Variants in KRT78 observed in about 807,000 individuals in gnomAD.
The protein encoded by KRT78 is keratin, type II cytoskeletal 78.
A neutral mutation model predicts 51.4 loss-of-function variants in KRT78; 55 were observed. The observed-to-expected ratio is 1.07, with a 90% CI of 0.86 to 1.34. The LOEUF is 1.34. Ranked by LOEUF, KRT78 falls within the 40% of genes most tolerant of loss-of-function variation. The probability of loss-of-function intolerance (pLI) is 0.00; values close to 1 mark genes in which losing one functional copy is unlikely to be tolerated. For synonymous variants in KRT78, 291 were observed against 264.3 expected (o/e 1.10, Z -0.98); for missense variants, 652 against 649.4 (o/e 1.00, Z -0.04).
Position 52,840,002 on chromosome 12 carries a change from A to G in KRT78, c.1048-18T>C. On this transcript the variant is annotated intron_variant, in intron 6 of 8. Coordinates refer to ENST00000304620, the MANE Select transcript of KRT78 (RefSeq NM_173352.4). ...CTGGCGTTCTGGAAGCGGGGTAGAA[A>G]TGAGCGAGAAGGTGGTTGTAAGTCC... 2 of 1,594,350 alleles carry G rather than the reference A, an allele frequency of 1.3e-6. No homozygotes were observed. The highest frequency in any genetic ancestry group is 2.2e-5 in the South Asian group (2 of 90,398).
At position 52,838,093 on chromosome 12, in the gene KRT78, G is replaced by A. The variant is rs750363472; in HGVS notation, c.*1020C>T. ...GAGCGATTCATGAATCTGAGGAAAG[G>A]TCTGCCCTCCCTCTAAAGCAAGGAG... On this transcript the variant is annotated 3_prime_UTR_variant, in exon 9 of 9. Transcript: ENST00000304620. The A allele has an allele frequency of 1.3e-5, 2 of 152,154 alleles. No homozygotes were observed. Among genetic ancestry groups the A allele is most frequent in the Non-Finnish European group, 2.9e-5 (2 of 68,034 alleles). 9.4% of individuals were successfully genotyped at this position (152,154 alleles called of 1,614,324 possible).
chr12:52,839,665 G>A (rs1268965381), intron 7 of KRT78, 99 bp downstream of exon 7: 6 of 1,361,156 alleles, frequency 4.4e-6, no homozygotes, highest in Admixed American at 1.8e-5. Flanking sequence ...ACAATGTCAG[G>A]AAATCTCTCA....
Position 52,844,588 on chromosome 12 carries a change from C to A in KRT78, c.892G>T (p.Ala298Ser). The A allele has an allele frequency of 1.2e-6, 2 of 1,614,006 alleles. No individual in the cohort carries two copies. The highest frequency in any genetic ancestry group is 1.7e-6 in the Non-Finnish European group (2 of 1,179,922). The change falls in exon 5 of 9, where the codon GCT (alanine) becomes TCT (serine). Residue 298 changes from alanine to serine, a missense_variant. Transcript: ENST00000304620. The stretch of plus-strand genomic sequence containing the variant: ...GTCTGGTACAAGGCCTCAGCCTCAG[C>A]CTTGCTGCTCCGGGCGATCTCCTCG... ...RYEEIARSSKAEAEALYQTKY... is the reference protein window; with the variant it reads ...RYEEIARSSKSEAEALYQTKY...
At chr12:52,843,688 C>CAAAAAAAAAAAAAAAAAAAAAAAA (rs1158055717) in intron 6 of KRT78, among the ~76,000 whole-genome samples, 2 of 63,200 alleles carry the variant, frequency 3.2e-5, no homozygotes, top group African/African-American at 8.5e-5. Flanking sequence ...GACTCTGTCT[C>CAAAAAAAAAAAAAAAAAAAAAAAA]AAAAAAAAAA....
chr12:52,846,222 TAGAGGTACTCTCTC>T lies in KRT78; in HGVS notation c.717_730del (p.Arg240LeufsTer7), dbSNP rs1940638337. 6.2e-7 allele frequency: 1 copy of T among 1,613,564 alleles called. No individual in the cohort carries two copies. The highest frequency in any genetic ancestry group is 8.5e-7 in the Non-Finnish European group (1 of 1,179,694). On this transcript the variant is annotated frameshift_variant, in exon 4 of 9. Coordinates refer to ENST00000304620, the MANE Select transcript of KRT78 (RefSeq NM_173352.4). LOFTEE classifies it high-confidence loss of function. ...TTCTTCATTCAGATGCTTCAAGAAG[TAGAGGTACTCTCTC>T]AGAGCCTCCAGCTTGCCCTCCAACT...
chr12:52,845,335 C>T lies in KRT78; in HGVS notation c.757-612G>A, dbSNP rs116370414. Among the ~76,000 whole-genome samples the T allele has an allele frequency of 9.6e-3, 1,458 of 152,184 alleles. 24 individuals carry two copies. Among genetic ancestry groups the T allele is most frequent in the African/African-American group, 0.034 (1,393 of 41,520 alleles). ...TCAGACCTCTTATCATACTCCTCTC[C>T]CTCTCGCTCCTACTACTCTGGCCAC... On this transcript the variant is annotated intron_variant, in intron 4 of 8. Transcript: ENST00000304620.
In KRT78 at chr12:52,848,947, C is replaced by A. The variant is rs1349561771; in HGVS notation, c.-17G>T. ...GAGAGACATGGCAGAGACAGACAGT[C>A]ACGCAGCTGCAGACGGACAGACAGA... On this transcript the variant is annotated 5_prime_UTR_variant, in exon 1 of 9. Transcript: ENST00000304620. The A allele has an allele frequency of 4.6e-6, 7 of 1,526,000 alleles. No homozygotes were observed. The highest frequency in any genetic ancestry group is 6.1e-6 in the Non-Finnish European group (7 of 1,142,828). 94.5% of individuals were successfully genotyped at this position (1,526,000 alleles called of 1,614,324 possible). A position where few individuals can be genotyped will look rare whatever the true frequency, so the allele number is the denominator to read the frequency against.
intron 6 of KRT78, among the ~76,000 whole-genome samples, chr12:52,841,968 C>T (rs1252940618): frequency 6.6e-6 from 1 of 152,164 alleles, no homozygotes; most frequent in Non-Finnish European, 1.5e-5. Flanking sequence ...GTTTCTGGGC[C>T]CCATCCTTAG....
intron 4 of KRT78, among the ~76,000 whole-genome samples, chr12:52,845,097 C>A (rs1262519437): frequency 1.3e-5 from 2 of 150,572 alleles, no homozygotes; most frequent in Non-Finnish European, 1.5e-5. Flanking sequence ...CTCACTGTAA[C>A]CTCTGCCTTC....
In KRT78 at chr12:52,839,239, A is replaced by G. The variant is rs2120379468; in HGVS notation, c.1437T>C (p.Ile479=). The G allele has an allele frequency of 1.9e-6, 3 of 1,612,026 alleles. No individual in the cohort carries two copies. Among genetic ancestry groups the G allele is most frequent in the Non-Finnish European group, 1.7e-6 (2 of 1,179,208 alleles). ...AAACAGGGTCCTTCCCAGAGCCCAG[A>G]ATGATGTTGGAGCCTCCAGTCACAA... The part of the protein sequence containing the change: ...TSIVTGGSNI[I]LGSGKDPVLD... Residue 479 remains isoleucine (I), a synonymous_variant, in exon 9 of 9, where the codon ATT becomes ATC. Transcript: ENST00000304620.
At chr12:52,843,247 A>C (rs1592144971) in intron 6 of KRT78, among the ~76,000 whole-genome samples, 2 of 151,424 alleles carry the variant, frequency 1.3e-5, no homozygotes, top group Non-Finnish European at 2.9e-5. Flanking sequence ...AGTGCCTGTA[A>C]TTCCAGCTAC....
rs1181927389 is a variant in KRT78, at chr12:52,847,323, G to A, written c.600-499C>T. On this transcript the variant is annotated intron_variant, in intron 2 of 8. Coordinates refer to ENST00000304620, the MANE Select transcript of KRT78 (RefSeq NM_173352.4). ...TTTACAGAAGGGAAACCAAGTCCGG[G>A]AGAGATGAGATGCCTTGCCCAGGAT... is the stretch of plus-strand genomic sequence containing the variant. 2.0e-5 allele frequency among the ~76,000 whole-genome samples: 3 copies of A among 152,130 alleles called. No individual in the cohort carries two copies. The East Asian group carries it at 5.8e-4, about 29-fold the overall frequency.
At chr12:52,839,424 T>A in intron 8 of KRT78, 29 bp downstream of exon 8, 2 of 1,610,270 alleles carry the variant, frequency 1.2e-6, no homozygotes, top group Non-Finnish European at 1.7e-6. Flanking sequence ...CCCATGGGGA[T>A]CCCATCCCTA....
Position 52,838,001 on chromosome 12 carries a change from G to A in KRT78, c.*1112C>T, listed in dbSNP as rs1940384689. ...AGGAAACAGCAGAGCTGGGATTCAA[G>A]CCACATCCTCACCGGCTCTGGTCTC... On this transcript the variant is annotated 3_prime_UTR_variant, in exon 9 of 9. Coordinates refer to ENST00000304620, the MANE Select transcript of KRT78 (RefSeq NM_173352.4). The A allele has an allele frequency of 6.6e-6, 1 of 152,200 alleles. No homozygotes were observed. The highest frequency in any genetic ancestry group is 2.4e-5 in the African/African-American group (1 of 41,436). 9.4% of individuals were successfully genotyped at this position (152,200 alleles called of 1,614,324 possible).
intron 6 of KRT78, among the ~76,000 whole-genome samples, chr12:52,842,937 A>AGAGAG (rs1565698617): frequency 1.9e-5 from 2 of 103,708 alleles, no homozygotes; most frequent in Admixed American, 9.5e-5. Context: ...GAAAGAAAGA[A>AGAGAG]AGAGAGAGAG....
rs1483203138 is a variant in KRT78, at chr12:52,839,479, C to A, written c.1277G>T (p.Gly426Val). The stretch of plus-strand genomic sequence containing the variant: ...GATAGTGACCTGGCTGGTGCACTCC[C>A]CAGACATCCTAGGGGGAAAAGGACA... The part of the protein sequence containing the change: ...LLEGEECRMS[G>V]ECTSQVTISS... The change falls in exon 8 of 9, where the codon GGG becomes GTG. Residue 426 changes from glycine (G) to valine (V), a missense_variant. Transcript: ENST00000304620. 2 of 1,598,880 alleles carry A rather than the reference C, an allele frequency of 1.3e-6. No homozygotes were observed. The highest frequency in any genetic ancestry group is 1.3e-5 in the African/African-American group (1 of 74,302).
chr12:52,840,234 C>T (rs986813125), intron 6 of KRT78, among the ~76,000 whole-genome samples: 2 of 152,110 alleles, frequency 1.3e-5, no homozygotes, highest in Non-Finnish European at 2.9e-5. Context: ...TTCATGTCCA[C>T]CCAGAACCCC....
chr12:52,843,588 G>A (rs534762260), intron 6 of KRT78, among the ~76,000 whole-genome samples: 139 of 147,854 alleles, frequency 9.4e-4, no homozygotes, highest in Non-Finnish European at 1.7e-3. Context: ...TACTCAAGAG[G>A]CTGAGGCAGG....
rs779926274 is a variant in KRT78, at chr12:52,839,384, C to T, written c.1304-12G>A. ...GCCTCCCACCGAGGCTGCCAAGAAA[C>T]GCACCGGGTCAGAGCAGGGTCATCA... On this transcript the variant is annotated splice_polypyrimidine_tract_variant and intron_variant, in intron 8 of 8. Transcript: ENST00000304620. 6.1e-5 allele frequency: 98 copies of T among 1,613,270 alleles called. No homozygotes were observed. Among genetic ancestry groups the T allele is most frequent in the Non-Finnish European group, 7.8e-5 (92 of 1,179,610 alleles).
Sources: gnomAD v4.1 joint callset for allele counts (sites outside exome capture counted in the v4.1 genomes callset) on GRCh38, gnomAD v4.1.1 for gene constraint, MANE v1.5 for transcripts, NCBI Gene and HGNC (gene_info 2026-07-23, HGNC 2026-07-21) for gene names.